The following TTC28 variants were observed in gnomAD, a reference collection of about 807,000 sequenced individuals.
TTC28 encodes the protein tetratricopeptide repeat domain 28.
Under a neutral mutation model 198.0 loss-of-function variants are expected in TTC28, and 61 were observed. The observed-to-expected ratio is 0.31, with a 90% CI of 0.25 to 0.38. TTC28 has a LOEUF of 0.38. TTC28 is among the 10% of genes least tolerant of loss of function. The probability of loss-of-function intolerance (pLI) is 1.00; values close to 1 mark genes in which losing one functional copy is unlikely to be tolerated. For missense variants in TTC28, 2,678 were observed against 3,164.0 expected, an observed-to-expected ratio of 0.85 and a Z score of 3.69; for synonymous variants, 1,171 against 1,297.8, an observed-to-expected ratio of 0.90 and a Z score of 2.10.
chr22:28,105,609 G>C lies in TTC28; in HGVS notation c.2977C>G (p.Arg993Gly). 6.4e-7 allele frequency: 1 copy of C among 1,551,842 alleles called. No homozygotes were observed. The highest frequency in any genetic ancestry group is 8.7e-7 in the Non-Finnish European group (1 of 1,147,024). The change falls in exon 8 of 23, where the codon CGA (arginine) becomes GGA (glycine). Residue 993 changes from arginine (R) to glycine (G), a missense_variant. Coordinates refer to ENST00000397906, the MANE Select transcript of TTC28 (RefSeq NM_001145418.2). ...QLNIARDMKD[R>G]ALESDAACGL... ...CAGGCTGCGTCACTCTCCAGGGCTC[G>C]GTCTTTCATATCTCTAGCAATGTTC...
intron 2 of TTC28, among the ~76,000 whole-genome samples, chr22:28,326,416 T>A (rs2145861548): frequency 6.6e-6 from 1 of 152,208 alleles, no homozygotes; most frequent in East Asian, 1.9e-4. Context: ...AACAAGTCAA[T>A]CTGACTGGAA....
At chr22:28,407,202 G>A (rs995586580) in intron 2 of TTC28, among the ~76,000 whole-genome samples, 12 of 152,016 alleles carry the variant, frequency 7.9e-5, no homozygotes, top group African/African-American at 2.9e-4. Flanking sequence ...ACCTAATTAG[G>A]GAGAAAATAA....
intron 5 of TTC28, among the ~76,000 whole-genome samples, chr22:28,216,414 C>CGTT (rs1601489643): frequency 6.6e-6 from 1 of 152,134 alleles, no homozygotes; most frequent in East Asian, 1.9e-4. Flanking sequence ...ATTAATAAGT[C>CGTT]TAACTCTCCT....
At chr22:28,466,026 A>C (rs1422504459) in intron 2 of TTC28, among the ~76,000 whole-genome samples, 1 of 152,194 alleles carries the variant, frequency 6.6e-6, no homozygotes, top group Non-Finnish European at 1.5e-5. Context: ...ACTAGCTGTA[A>C]AGTTGGAAAA....
intron 2 of TTC28, among the ~76,000 whole-genome samples, chr22:28,616,256 C>A (rs1197476866): frequency 2.6e-5 from 4 of 152,136 alleles, no homozygotes; most frequent in Non-Finnish European, 5.9e-5. Flanking sequence ...AGTATACAAT[C>A]TCCCACTAAG....
intron 17 of TTC28, among the ~76,000 whole-genome samples, chr22:27,994,293 A>G (rs895245431): frequency 1.3e-5 from 2 of 152,050 alleles, no homozygotes; most frequent in Non-Finnish European, 2.9e-5. Flanking sequence ...CCCACCCCCT[A>G]AAAACACACC....
At chr22:28,385,137 G>A (rs1601722792) in intron 2 of TTC28, among the ~76,000 whole-genome samples, 1 of 138,392 alleles carries the variant, frequency 7.2e-6, no homozygotes, top group African/African-American at 2.7e-5. Context: ...GTGAAACTCC[G>A]TCAAAAAAAA....
chr22:28,494,549 C>G (rs926346112), intron 2 of TTC28, among the ~76,000 whole-genome samples: 1 of 152,174 alleles, frequency 6.6e-6, no homozygotes, highest in Non-Finnish European at 1.5e-5. Context: ...TAGAGACTTT[C>G]CACTGGAATG....
chr22:28,251,115 C>A (rs577977738), intron 5 of TTC28, among the ~76,000 whole-genome samples: 1 of 152,254 alleles, frequency 6.6e-6, no homozygotes, highest in Non-Finnish European at 1.5e-5. Context: ...TTTTGGTTAT[C>A]ATTTATTTAT....
At chr22:28,431,058 A>G (rs961435169) in intron 2 of TTC28, among the ~76,000 whole-genome samples, 2 of 151,984 alleles carry the variant, frequency 1.3e-5, no homozygotes, top group African/African-American at 4.8e-5. Context: ...AATTCCAAAT[A>G]CTTCTTCATC....
At chr22:28,258,021 C>T (rs561983276) in intron 5 of TTC28, among the ~76,000 whole-genome samples, 52 of 151,872 alleles carry the variant, frequency 3.4e-4, no homozygotes, top group African/African-American at 1.3e-3. Flanking sequence ...AAAATATTTG[C>T]CCTCTGAACT....
At position 28,226,150 on chromosome 22, in the gene TTC28, A is replaced by C. The variant is rs143403758; in HGVS notation, c.934-62551T>G. On this transcript the variant is annotated intron_variant, in intron 5 of 22. Coordinates refer to ENST00000397906, the MANE Select transcript of TTC28 (RefSeq NM_001145418.2). The stretch of plus-strand genomic sequence containing the variant: ...ACGTATGCTTTCTTTTCACTAGTGT[A>C]AATTTGTAGGAGTGAAACGGTTCGG... 5.5e-4 allele frequency among the ~76,000 whole-genome samples: 84 copies of C among 152,304 alleles called. 1 individual carries two copies. The highest frequency in any genetic ancestry group is 1.9e-3 in the African/African-American group (80 of 41,562).
At chr22:27,984,068 C>T (rs1188145084) in intron 22 of TTC28, among the ~76,000 whole-genome samples, 2 of 152,150 alleles carry the variant, frequency 1.3e-5, no homozygotes, top group Non-Finnish European at 2.9e-5. Context: ...CACAGCCACA[C>T]CCACCCCAGA....
At chr22:28,231,969 G>A (rs976860297) in intron 5 of TTC28, among the ~76,000 whole-genome samples, 1 of 152,198 alleles carries the variant, frequency 6.6e-6, no homozygotes, top group African/African-American at 2.4e-5. Context: ...AATTGAGAAA[G>A]TATCCAGCAG....
At chr22:28,255,626 A>G (rs1216800482) in intron 5 of TTC28, among the ~76,000 whole-genome samples, 1 of 151,262 alleles carries the variant, frequency 6.6e-6, no homozygotes, top group Non-Finnish European at 1.5e-5. Flanking sequence ...GATTGCGGTG[A>G]GCTGAGATCG....
Position 27,983,082 on chromosome 22 carries a change from G to A in TTC28, c.6585C>T (p.Asp2195=), listed in dbSNP as rs143483336. 1.5e-4 allele frequency: 228 copies of A among 1,551,604 alleles called. No homozygotes were observed. Among genetic ancestry groups the A allele is most frequent in the Middle Eastern group, 3.3e-4 (2 of 6,014 alleles). ...CAGTGCTGCTGGGCGCCTGAACGCC[G>A]TCTTCAGGGTTATTACTCTTGCTCA... ...GQVSKSNNPE[D]GVQAPSSTAV... Residue 2195 remains aspartate (D), a synonymous_variant, in exon 23 of 23, where the codon GAC becomes GAT. Coordinates refer to ENST00000397906, the MANE Select transcript of TTC28 (RefSeq NM_001145418.2).
intron 2 of TTC28, among the ~76,000 whole-genome samples, chr22:28,311,039 C>T (rs1022990289): frequency 1.3e-5 from 2 of 152,114 alleles, no homozygotes; most frequent in Admixed American, 6.6e-5. Flanking sequence ...CTTGGCTTCC[C>T]AAAGTGCTGG....
intron 5 of TTC28, among the ~76,000 whole-genome samples, chr22:28,167,936 T>G (rs1922204223): frequency 6.6e-6 from 1 of 152,274 alleles, no homozygotes; most frequent in Middle Eastern, 3.4e-3. Context: ...CATCTCAGCC[T>G]CAAATCTTCT....
At chr22:28,239,426 T>C (rs1569215737) in intron 5 of TTC28, among the ~76,000 whole-genome samples, 1 of 152,154 alleles carries the variant, frequency 6.6e-6, no homozygotes, top group Non-Finnish European at 1.5e-5. Context: ...TGACTTTTCT[T>C]AAATCCATCA....
Sources: allele counts gnomAD v4.1 joint callset (sites outside exome capture counted in the v4.1 genomes callset), GRCh38; gene constraint gnomAD v4.1.1; transcripts MANE v1.5; gene names NCBI Gene and HGNC (gene_info 2026-07-23, HGNC 2026-07-21).